The following LCORL variants were observed in gnomAD, a reference collection of about 807,000 sequenced individuals.
LCORL encodes the protein ligand-dependent nuclear receptor corepressor-like protein.
LCORL carries 41 observed loss-of-function variants against 141.8 expected under a neutral mutation model. The ratio of observed to expected loss-of-function variants is 0.29; its 90% confidence interval spans 0.23 to 0.38. LCORL has a LOEUF of 0.38. LCORL is among the 10% of genes least tolerant of loss of function. LCORL has a pLI of 1.00. For missense variants in LCORL, 1,759 were observed against 2,035.0 expected (o/e 0.86, Z 2.61); for synonymous variants, 618 against 694.1 (o/e 0.89, Z 1.72).
chr4:17,857,572 G>C (rs933435095), intron 7 of LCORL, among the ~76,000 whole-genome samples: 1 of 152,058 alleles, frequency 6.6e-6, no homozygotes, highest in African/African-American at 2.4e-5. Context: ...ATTGTTTTGG[G>C]GGGCTGTGCT....
rs1487483348 is a variant in LCORL at position 17,884,546 on chromosome 4, C to T, written c.776+1522G>A. On this transcript the variant is annotated intron_variant, in intron 6 of 7. Transcript: ENST00000635767. This position sits in a 1 kb window ranked among gnomAD's most constrained non-coding sequence, Gnocchi z 4.4. Reference sequence around the variant, plus strand: ...ATATGAATAACTATCATGGAAATCTCGAGTTTTGTTTTTAAAAGATGCAGG... The same window carrying T: ...ATATGAATAACTATCATGGAAATCTTGAGTTTTGTTTTTAAAAGATGCAGG... 3.3e-6 allele frequency: 5 copies of T among 1,534,740 alleles called. No individual in the cohort carries two copies. The highest frequency in any genetic ancestry group is 1.2e-5 in the South Asian group (1 of 81,840).
At chr4:18,019,887 A>G (rs1725209787) in intron 1 of LCORL, among the ~76,000 whole-genome samples, 1 of 152,228 alleles carries the variant, frequency 6.6e-6, no homozygotes, top group South Asian at 2.1e-4. Flanking sequence ...AAAACAGCCC[A>G]TTTTGTATTC....
At chr4:17,945,156 AG>A (rs771200420) in intron 4 of LCORL, among the ~76,000 whole-genome samples, 27 of 152,272 alleles carry the variant, frequency 1.8e-4, no homozygotes, top group Admixed American at 5.9e-4. Flanking sequence ...TTTAGAGATA[AG>A]GGTAATTCTT....
chr4:17,871,802 G>GA (rs1726368544), intron 7 of LCORL, among the ~76,000 whole-genome samples: 1 of 151,576 alleles, frequency 6.6e-6, no homozygotes. Flanking sequence ...CTAAGAACAA[G>GA]AAACAGGGCA....
chr4:17,939,897 T>TA (rs1463253537), intron 4 of LCORL, among the ~76,000 whole-genome samples: 1 of 109,850 alleles, frequency 9.1e-6, no homozygotes, highest in African/African-American at 4.8e-5. Context: ...CACACACATA[T>TA]ATGTATATAT....
intron 5 of LCORL, among the ~76,000 whole-genome samples, chr4:17,886,660 CAT>C (rs1209070808): frequency 2.0e-5 from 3 of 152,004 alleles, no homozygotes; most frequent in Admixed American, 1.3e-4. Flanking sequence ...TTCTAGAACT[CAT>C]AGTGTAAAAT....
chr4:17,863,554 A>C (rs965869922), intron 7 of LCORL, among the ~76,000 whole-genome samples: 1 of 152,212 alleles, frequency 6.6e-6, no homozygotes. Flanking sequence ...TGGGAATGTA[A>C]ATTAGTTCAG....
chr4:17,894,255 G>C (rs377280691), intron 5 of LCORL, among the ~76,000 whole-genome samples: 30 of 152,294 alleles, frequency 2.0e-4, no homozygotes, highest in African/African-American at 7.2e-4. Context: ...ACCATCTTAA[G>C]TTGATGACCA....
chr4:17,997,235 C>T (rs1721054377), intron 1 of LCORL, among the ~76,000 whole-genome samples: 1 of 152,150 alleles, frequency 6.6e-6, no homozygotes, highest in Non-Finnish European at 1.5e-5. Flanking sequence ...TGTCTCAACG[C>T]CTTCTCCAAT....
intron 6 of LCORL, chr4:17,881,370 CT>C: frequency 1.0e-6 from 1 of 981,088 alleles, no homozygotes; most frequent in Non-Finnish European, 1.2e-6. Flanking sequence ...GGGAATTTCC[CT>C]GCCTTTCCTA....
chr4:17,888,285 A>G (rs1322782590), intron 5 of LCORL, among the ~76,000 whole-genome samples: 1 of 152,152 alleles, frequency 6.6e-6, no homozygotes, highest in Non-Finnish European at 1.5e-5. Context: ...CTGAAGAAGC[A>G]AAGTACCTGG....
intron 2 of LCORL, among the ~76,000 whole-genome samples, chr4:17,971,632 G>A (rs1306854075): frequency 6.6e-6 from 1 of 151,288 alleles, no homozygotes; most frequent in African/African-American, 2.4e-5. Flanking sequence ...TAGAATGGCT[G>A]TACTAGTAAT....
chr4:18,009,427 G>T (rs1723324778), intron 1 of LCORL, among the ~76,000 whole-genome samples: 1 of 151,380 alleles, frequency 6.6e-6, no homozygotes, highest in African/African-American at 2.4e-5. Context: ...CTCATGCCTG[G>T]CATCCCTCCT....
intron 2 of LCORL, among the ~76,000 whole-genome samples, chr4:17,969,485 G>A (rs1044896481): frequency 6.6e-6 from 1 of 152,102 alleles, no homozygotes; most frequent in Non-Finnish European, 1.5e-5. Flanking sequence ...CTGTGCCAAC[G>A]TTGATTTTTA....
chr4:17,885,506 G>GT (rs1314619175), intron 6 of LCORL, among the ~76,000 whole-genome samples: 4 of 148,938 alleles, frequency 2.7e-5, no homozygotes, highest in Non-Finnish European at 5.9e-5. Flanking sequence ...CAAAAAAGTT[G>GT]TAAAAAAAAA....
chr4:17,976,993 C>A (rs1717108539), intron 1 of LCORL, among the ~76,000 whole-genome samples: 1 of 152,140 alleles, frequency 6.6e-6, no homozygotes, highest in African/African-American at 2.4e-5. Flanking sequence ...ATTGAGCTCA[C>A]TAAATCTGCA....
chr4:17,881,682 C>T, intron 6 of LCORL: 1 of 947,800 alleles, frequency 1.1e-6, no homozygotes, highest in South Asian at 4.9e-5. Context: ...ATAAACTTCT[C>T]AATCAATTTA....
intron 4 of LCORL, among the ~76,000 whole-genome samples, chr4:17,951,450 C>A (rs1739709702): frequency 6.6e-6 from 1 of 152,160 alleles, no homozygotes; most frequent in Admixed American, 6.5e-5. Context: ...TCCATAATTT[C>A]TCAAAATTGT....
chr4:17,981,985 G>GTA (rs1718070407), intron 1 of LCORL, among the ~76,000 whole-genome samples: 1 of 151,972 alleles, frequency 6.6e-6, no homozygotes, highest in Non-Finnish European at 1.5e-5. Context: ...AGAATACATG[G>GTA]TATTTGATTT....
Sources: allele counts gnomAD v4.1 joint callset (sites outside exome capture counted in the v4.1 genomes callset), GRCh38; gene constraint gnomAD v4.1.1; non-coding constraint Gnocchi (gnomAD v3.1); transcripts MANE v1.5; gene names NCBI Gene and HGNC (gene_info 2026-07-23, HGNC 2026-07-21).